Variants in ADK observed in about 807,000 individuals in gnomAD.
ADK encodes the protein N6,N6-dimethyladenosine kinase.
In ADK, 24 loss-of-function variants were observed where a neutral mutation model predicts 44.7. The observed-to-expected ratio is 0.54, with a 90% CI of 0.39 to 0.76. The LOEUF (loss-of-function observed/expected upper bound fraction) is 0.76. Ranked by LOEUF, ADK falls within the 30% of genes least tolerant of loss-of-function variation. ADK has a pLI of 0.00. For synonymous variants in ADK, 128 were observed against 142.6 expected, an observed-to-expected ratio of 0.90 and a Z score of 0.73; for missense variants, 321 against 425.1, an observed-to-expected ratio of 0.76 and a Z score of 2.15.
intron 7 of ADK, among the ~76,000 whole-genome samples, chr10:74,557,851 G>A (rs1031501166): frequency 6.6e-6 from 1 of 152,184 alleles, no homozygotes; most frequent in African/African-American, 2.4e-5. Flanking sequence ...GGTCATCAAT[G>A]GATTAGGAGA....
At chr10:74,315,307 C>T (rs1165867470) in intron 4 of ADK, among the ~76,000 whole-genome samples, 1 of 152,010 alleles carries the variant, frequency 6.6e-6, no homozygotes, top group Non-Finnish European at 1.5e-5. Context: ...ACCTAAATAT[C>T]TATGTATAGA....
intron 4 of ADK, among the ~76,000 whole-genome samples, chr10:74,325,456 C>T (rs976019298): frequency 6.6e-5 from 10 of 152,108 alleles, no homozygotes; most frequent in African/African-American, 2.4e-4. Context: ...TCTACCTTTC[C>T]AATTTGTATG....
chr10:74,706,880 A>G (rs777098806), intron 10 of ADK, among the ~76,000 whole-genome samples: 1 of 152,116 alleles, frequency 6.6e-6, no homozygotes, highest in Non-Finnish European at 1.5e-5. Context: ...CTTTATGTCT[A>G]TTTATTTAGG....
intron 10 of ADK, among the ~76,000 whole-genome samples, chr10:74,680,390 G>T (rs1448173989): frequency 6.6e-6 from 1 of 152,054 alleles, no homozygotes; most frequent in African/African-American, 2.4e-5. Context: ...GTTAAAAATG[G>T]TCTTATGTGT....
intron 1 of ADK, among the ~76,000 whole-genome samples, chr10:74,169,504 A>G (rs926323602): frequency 3.9e-5 from 6 of 152,144 alleles, no homozygotes; most frequent in African/African-American, 1.4e-4. Flanking sequence ...CCTGGGAGGG[A>G]GTTTTGCTAA....
At chr10:74,163,469 A>G (rs1841956605) in intron 1 of ADK, among the ~76,000 whole-genome samples, 1 of 152,208 alleles carries the variant, frequency 6.6e-6, no homozygotes, top group South Asian at 2.1e-4. Flanking sequence ...TTTGCAGTGT[A>G]ATTAGAACTG....
intron 6 of ADK, among the ~76,000 whole-genome samples, chr10:74,499,851 G>A (rs1198506475): frequency 6.6e-6 from 1 of 152,078 alleles, no homozygotes; most frequent in Non-Finnish European, 1.5e-5. Context: ...ATACTGTTCT[G>A]TTTTCTCTGA....
At chr10:74,190,983 T>G (rs1842935173) in intron 1 of ADK, among the ~76,000 whole-genome samples, 1 of 143,810 alleles carries the variant, frequency 7.0e-6, no homozygotes, top group African/African-American at 2.5e-5. Context: ...ATTTTTGACT[T>G]TTTTTTTTTT....
chr10:74,691,414 A>G (rs1259984129), intron 10 of ADK, among the ~76,000 whole-genome samples: 1 of 152,224 alleles, frequency 6.6e-6, no homozygotes, highest in Admixed American at 6.5e-5. Flanking sequence ...TCTCTAAATA[A>G]CTATGTAATT....
intron 3 of ADK, among the ~76,000 whole-genome samples, chr10:74,293,749 G>A (rs955724782): frequency 2.0e-5 from 3 of 152,154 alleles, no homozygotes; most frequent in African/African-American, 4.8e-5. Flanking sequence ...TGCTAGAAGA[G>A]CATTTGCCAA....
intron 6 of ADK, among the ~76,000 whole-genome samples, chr10:74,504,892 A>C (rs1438524238): frequency 6.6e-6 from 1 of 152,182 alleles, no homozygotes; most frequent in African/African-American, 2.4e-5. Flanking sequence ...ACTGTGAGTC[A>C]ATTAAACCTC....
At chr10:74,156,758 A>G (rs1841759172) in intron 1 of ADK, among the ~76,000 whole-genome samples, 1 of 152,162 alleles carries the variant, frequency 6.6e-6, no homozygotes, top group Non-Finnish European at 1.5e-5. Context: ...TCTCGGGAAG[A>G]TTGGCTACTT....
intron 2 of ADK, among the ~76,000 whole-genome samples, chr10:74,216,585 C>T (rs914188928): frequency 2.0e-5 from 3 of 151,590 alleles, no homozygotes; most frequent in Admixed American, 1.3e-4. Context: ...ATTAGCCGGG[C>T]GTGGGGGTGC....
intron 3 of ADK, among the ~76,000 whole-genome samples, chr10:74,236,595 G>T (rs548371897): frequency 6.6e-6 from 1 of 152,192 alleles, no homozygotes; most frequent in Admixed American, 6.5e-5. Flanking sequence ...AATTTTATTG[G>T]TATAACAAAT....
chr10:74,185,234 C>T (rs1842703269), intron 1 of ADK, among the ~76,000 whole-genome samples: 1 of 152,076 alleles, frequency 6.6e-6, no homozygotes, highest in South Asian at 2.1e-4. Flanking sequence ...TGATAGAGCA[C>T]TGGTAGTGTT....
At position 74,176,768 on chromosome 10, in the gene ADK, C is replaced by G; in HGVS notation, c.66-23996C>G. ...GTGTGTGAGGACGCGCTCCCAGTCGCTGAGTGCCTGAGCCGGGAAGCAGTT... is the reference window on the plus strand; with the variant it reads ...GTGTGTGAGGACGCGCTCCCAGTCGGTGAGTGCCTGAGCCGGGAAGCAGTT... On this transcript the variant is annotated intron_variant, in intron 1 of 10. Transcript: ENST00000539909. The G allele has an allele frequency of 2.5e-6, 4 of 1,568,892 alleles. No individual in the cohort carries two copies. In the South Asian group the frequency reaches 4.6e-5, roughly 18 times the overall value.
chr10:74,469,530 T>C (rs182464705), intron 6 of ADK, among the ~76,000 whole-genome samples: 12 of 152,112 alleles, frequency 7.9e-5, no homozygotes, highest in Admixed American at 4.6e-4. Context: ...ACCCAGCTCA[T>C]TTTAAAAATT....
In ADK at chr10:74,362,438, A is replaced by T. The variant is rs115836376; in HGVS notation, c.274-31703A>T. On this transcript the variant is annotated intron_variant, in intron 4 of 10. Transcript: ENST00000539909. ...TATTTGAGTCTCTTATATTTCTTTCATAATTTTCTGAATTGATTCTTCATG... is the reference window on the plus strand; with the variant it reads ...TATTTGAGTCTCTTATATTTCTTTCTTAATTTTCTGAATTGATTCTTCATG... Among the ~76,000 whole-genome samples the T allele has an allele frequency of 3.0e-3, 451 of 151,404 alleles. 1 individual carries two copies. The highest frequency in any genetic ancestry group is 0.01 in the African/African-American group (432 of 41,282).
intron 7 of ADK, among the ~76,000 whole-genome samples, chr10:74,559,380 A>G (rs1341639558): frequency 6.6e-6 from 1 of 152,276 alleles, no homozygotes; most frequent in Non-Finnish European, 1.5e-5. Flanking sequence ...TTTTCCTAGT[A>G]GTACAAACTT....
Sources: gnomAD v4.1 joint callset for allele counts (sites outside exome capture counted in the v4.1 genomes callset) on GRCh38, gnomAD v4.1.1 for gene constraint, MANE v1.5 for transcripts, NCBI Gene and HGNC (gene_info 2026-07-23, HGNC 2026-07-21) for gene names.